EBF3: variants seen among roughly 807,000 people sequenced by gnomAD.
EBF3 encodes the protein transcription factor COE3.
Under a neutral mutation model 77.1 loss-of-function variants are expected in EBF3, and 18 were observed. That is an observed-to-expected ratio of 0.23 (90% CI 0.16 to 0.35). The LOEUF (loss-of-function observed/expected upper bound fraction) is 0.35, where lower values mean the gene tolerates loss of function less well. EBF3 is among the 10% of genes least tolerant of loss of function. The probability of loss-of-function intolerance (pLI) is 1.00; values close to 1 mark genes in which losing one functional copy is unlikely to be tolerated. For missense variants in EBF3, 558 were observed against 860.0 expected (o/e 0.65, Z 4.39); for synonymous variants, 350 against 343.5 (o/e 1.02, Z -0.21).
chr10:129,921,205 G>A (rs1198652313), intron 6 of EBF3, among the ~76,000 whole-genome samples: 1 of 149,592 alleles, frequency 6.7e-6, no homozygotes, highest in Admixed American at 6.7e-5. Flanking sequence ...GGATCGCAGT[G>A]GGCAAGGGGT....
intron 10 of EBF3, among the ~76,000 whole-genome samples, chr10:129,850,814 C>A (rs1850822261): frequency 6.6e-6 from 1 of 152,222 alleles, no homozygotes; most frequent in Non-Finnish European, 1.5e-5. Flanking sequence ...CAAAGCCTGG[C>A]CAACTGGTGG....
In EBF3 at chr10:129,840,270, G is replaced by T; in HGVS notation, c.1734C>A (p.Thr578=). The T allele has an allele frequency of 6.3e-7, 1 of 1,587,096 alleles. No homozygotes were observed. The highest frequency in any genetic ancestry group is 8.6e-7 in the Non-Finnish European group (1 of 1,166,286). The part of the protein sequence containing the change: ...RPQASPPPSC[T]SANGNGLQGS... ...CTTGCAGTCCATTCCCGTTGGCGCT[G>T]GTGCAGGAAGGAGGAGGAGAGGCTT... The change falls in exon 15 of 17, where the codon ACC becomes ACA. Residue 578 remains threonine, a synonymous_variant. Coordinates refer to ENST00000440978, the MANE Select transcript of EBF3 (RefSeq NM_001375380.1).
intron 6 of EBF3, among the ~76,000 whole-genome samples, chr10:129,945,819 A>G (rs1352328489): frequency 6.6e-6 from 1 of 152,102 alleles, no homozygotes; most frequent in Non-Finnish European, 1.5e-5. Flanking sequence ...AGCTCTATTT[A>G]TGATCATTAT....
intron 6 of EBF3, among the ~76,000 whole-genome samples, chr10:129,918,606 A>G (rs1366604237): frequency 6.6e-6 from 1 of 152,172 alleles, no homozygotes; most frequent in Non-Finnish European, 1.5e-5. Context: ...GTGTGTTCGC[A>G]TGGTTGTTTA....
chr10:129,961,692 C>A (rs1437530170), intron 4 of EBF3, among the ~76,000 whole-genome samples: 6 of 152,040 alleles, frequency 3.9e-5, no homozygotes, highest in Non-Finnish European at 1.5e-5. Flanking sequence ...CACCCCAACA[C>A]ATTTAACTTT....
At chr10:129,949,455 A>T (rs979740604) in intron 6 of EBF3, among the ~76,000 whole-genome samples, 1 of 152,152 alleles carries the variant, frequency 6.6e-6, no homozygotes, top group Admixed American at 6.5e-5. Flanking sequence ...AATAAAAGGG[A>T]CACTCCCCCA....
chr10:129,953,398 C>G (rs574182813), intron 6 of EBF3, among the ~76,000 whole-genome samples: 2 of 151,132 alleles, frequency 1.3e-5, no homozygotes, highest in Admixed American at 6.6e-5. Flanking sequence ...CATCCTCCCC[C>G]CTCTTCAACC....
At chr10:129,930,109 A>C (rs1318790471) in intron 6 of EBF3, among the ~76,000 whole-genome samples, 1 of 152,086 alleles carries the variant, frequency 6.6e-6, no homozygotes, top group Non-Finnish European at 1.5e-5. Flanking sequence ...AGGCCTTTGC[A>C]CTCTGGGATT....
At chr10:129,845,806 A>G (rs1850412160) in intron 11 of EBF3, 1 of 152,222 alleles carries the variant, frequency 6.6e-6, no homozygotes, top group Non-Finnish European at 1.5e-5. Flanking sequence ...AACAGAAAAA[A>G]AACTCAGATG....
rs920507504 is a variant in EBF3 at position 129,943,812 on chromosome 10, G to C, written c.554+13446C>G. Among the ~76,000 whole-genome samples the C allele has an allele frequency of 2.0e-5, 3 of 152,178 alleles. No homozygotes were observed. The highest frequency in any genetic ancestry group is 7.2e-5 in the African/African-American group (3 of 41,424). On this transcript the variant is annotated intron_variant, in intron 6 of 16. Coordinates refer to ENST00000440978, the MANE Select transcript of EBF3 (RefSeq NM_001375380.1). The surrounding 1 kb of genome is among the most constrained non-coding windows in gnomAD (Gnocchi z 8.8). ...TAAGGTTTTTGGGCTTGATCCTTTT[G>C]AGCAGTTTTTTTCTGTGCTGAGCTC...
intron 6 of EBF3, among the ~76,000 whole-genome samples, chr10:129,937,574 A>C (rs977629755): frequency 2.0e-5 from 3 of 152,176 alleles, no homozygotes; most frequent in Admixed American, 2.0e-4. Flanking sequence ...CCTGATCACA[A>C]GGGCTTACGA....
intron 6 of EBF3, among the ~76,000 whole-genome samples, chr10:129,882,969 T>C (rs185272288): frequency 7.9e-5 from 12 of 152,324 alleles, no homozygotes; most frequent in African/African-American, 2.6e-4. Context: ...ATTGTCTCCT[T>C]AGAAATGCAG....
intron 6 of EBF3, among the ~76,000 whole-genome samples, chr10:129,911,882 C>T (rs1855548478): frequency 1.3e-5 from 2 of 152,306 alleles, no homozygotes; most frequent in Non-Finnish European, 2.9e-5. Flanking sequence ...AAAGGAACAA[C>T]TAGAGTGGGC....
chr10:129,895,608 A>G (rs1290859620), intron 6 of EBF3, among the ~76,000 whole-genome samples: 1 of 152,224 alleles, frequency 6.6e-6, no homozygotes, highest in African/African-American at 2.4e-5. Context: ...TTCGACAATC[A>G]AATCTTACCA....
At chr10:129,958,795 C>G in intron 5 of EBF3, 139 bp downstream of exon 5, 2 of 1,164,652 alleles carry the variant, frequency 1.7e-6, no homozygotes, top group South Asian at 1.8e-5. Context: ...GCCCGGCGCG[C>G]GGCCTCGGGC....
chr10:129,936,153 C>T (rs1040734362), intron 6 of EBF3, among the ~76,000 whole-genome samples: 1 of 152,244 alleles, frequency 6.6e-6, no homozygotes, highest in Non-Finnish European at 1.5e-5. Context: ...TTGCGACTGA[C>T]TCTCACACCC....
At chr10:129,868,500 G>A (rs1434267852) in intron 8 of EBF3, among the ~76,000 whole-genome samples, 1 of 152,222 alleles carries the variant, frequency 6.6e-6, no homozygotes, top group Non-Finnish European at 1.5e-5. Context: ...TGTCGACAGG[G>A]ATCCCCGCGC....
chr10:129,950,892 G>C (rs1858626418), intron 6 of EBF3, among the ~76,000 whole-genome samples: 1 of 152,186 alleles, frequency 6.6e-6, no homozygotes, highest in South Asian at 2.1e-4. Flanking sequence ...TGCAGGTTAA[G>C]CTCCTTGAGT....
At chr10:129,907,255 C>T (rs1855209759) in intron 6 of EBF3, among the ~76,000 whole-genome samples, 1 of 152,222 alleles carries the variant, frequency 6.6e-6, no homozygotes, top group African/African-American at 2.4e-5. Context: ...TGGGCGAGGG[C>T]GCCCCTGTTT....
Sources: allele counts gnomAD v4.1 joint callset (sites outside exome capture counted in the v4.1 genomes callset), GRCh38; gene constraint gnomAD v4.1.1; non-coding constraint Gnocchi (gnomAD v3.1); transcripts MANE v1.5; gene names NCBI Gene and HGNC (gene_info 2026-07-23, HGNC 2026-07-21).